The following SMG6 variants were observed in gnomAD, a reference collection of about 807,000 sequenced individuals.
SMG6 encodes SMG6 nonsense mediated mRNA decay factor.
SMG6 carries 66 observed loss-of-function variants against 142.2 expected under a neutral mutation model. The observed-to-expected ratio is 0.46, with a 90% CI of 0.38 to 0.57. SMG6 has a LOEUF of 0.57. SMG6 is among the 20% of genes least tolerant of loss of function. SMG6 has a pLI of 0.00. For missense variants in SMG6, 1,793 were observed against 1,832.0 expected (o/e 0.98, Z 0.39); for synonymous variants, 779 against 702.4 (o/e 1.11, Z -1.72).
At chr17:2,110,081 C>CAAAAAAAA (rs57135671) in intron 13 of SMG6, among the ~76,000 whole-genome samples, 1 of 87,982 alleles carries the variant, frequency 1.1e-5, no homozygotes, top group African/African-American at 3.0e-5. Context: ...GATTCCATCT[C>CAAAAAAAA]AAAAAAAAAA....
intron 10 of SMG6, among the ~76,000 whole-genome samples, chr17:2,202,117 A>G (rs992109368): frequency 2.0e-5 from 3 of 152,234 alleles, no homozygotes; most frequent in African/African-American, 7.2e-5. Context: ...CACGCAAAGA[A>G]TGTTCATAGC....
chr17:2,085,832 C>G lies in SMG6; in HGVS notation c.3427G>C (p.Glu1143Gln). Residue 1143 changes from glutamate (E) to glutamine (Q), a missense_variant, in exon 14 of 19, where the codon GAG (glutamate) becomes CAG (glutamine). Around this residue, in one of 3 missense-constraint regions of SMG6, gnomAD observed 1,597 missense variants for 1,584.6 expected, o/e 1.01. Transcript: ENST00000263073. This position sits in a 1 kb window ranked among gnomAD's most constrained non-coding sequence, Gnocchi z 4.1. Reference sequence around the variant, plus strand: ...CCACCCTTGAATGCCAGCAGAGGCTCTTCTTGTCCACAAAGGGCTTCCAGA... The same window carrying G: ...CCACCCTTGAATGCCAGCAGAGGCTGTTCTTGTCCACAAAGGGCTTCCAGA... ...YFLEALCGQE[E>Q]PLLAFKGGKY... 6.2e-7 allele frequency: 1 copy of G among 1,614,220 alleles called. No individual in the cohort carries two copies.
chr17:2,220,625 A>G (rs1245902457), intron 10 of SMG6, among the ~76,000 whole-genome samples: 1 of 152,232 alleles, frequency 6.6e-6, no homozygotes, highest in Non-Finnish European at 1.5e-5. Flanking sequence ...GTGAATATAC[A>G]TAACAATAAA....
intron 10 of SMG6, among the ~76,000 whole-genome samples, chr17:2,229,130 A>G (rs1313100950): frequency 6.6e-6 from 1 of 152,186 alleles, no homozygotes; most frequent in East Asian, 1.9e-4. Flanking sequence ...GAAAGAGTAA[A>G]CACTTCTACC....
At chr17:2,088,689 AGT>A in intron 13 of SMG6, 1 of 985,404 alleles carries the variant, frequency 1.0e-6, no homozygotes, top group Non-Finnish European at 1.2e-6. Context: ...AGCTGTGTAA[AGT>A]GTACTGTGGG....
chr17:2,066,694 C>CACACACACACACA (rs1375441508), intron 16 of SMG6, among the ~76,000 whole-genome samples: 3 of 150,750 alleles, frequency 2.0e-5, no homozygotes, highest in South Asian at 4.2e-4. Context: ...CACACACACA[C>CACACACACACACA]AATGCCCATG....
intron 13 of SMG6, among the ~76,000 whole-genome samples, chr17:2,144,439 T>C (rs569977357): frequency 6.6e-6 from 1 of 152,230 alleles, no homozygotes. Context: ...ACTCCAGAGC[T>C]CAAGTGATCC....
chr17:2,193,928 T>C (rs1481594872), intron 10 of SMG6, among the ~76,000 whole-genome samples: 1 of 152,138 alleles, frequency 6.6e-6, no homozygotes, highest in Non-Finnish European at 1.5e-5. Context: ...CCTCCTGGGT[T>C]CAAGCGATTC....
chr17:2,262,917 T>C (rs927976112), intron 8 of SMG6, among the ~76,000 whole-genome samples: 3 of 150,732 alleles, frequency 2.0e-5, no homozygotes, highest in African/African-American at 7.3e-5. Context: ...TCAGAGGAGG[T>C]TTTACAGCAA....
At chr17:2,193,983 G>A (rs1027523362) in intron 10 of SMG6, among the ~76,000 whole-genome samples, 1 of 152,158 alleles carries the variant, frequency 6.6e-6, no homozygotes, top group East Asian at 1.9e-4. Flanking sequence ...GGCACGCACA[G>A]TTTCACCATG....
intron 13 of SMG6, among the ~76,000 whole-genome samples, chr17:2,149,465 T>C (rs2070764626): frequency 6.6e-6 from 1 of 152,142 alleles, no homozygotes; most frequent in Non-Finnish European, 1.5e-5. Context: ...CTAATCTCTC[T>C]TCCTAACTCC....
chr17:2,153,584 A>T (rs2070892859), intron 13 of SMG6, among the ~76,000 whole-genome samples: 1 of 152,056 alleles, frequency 6.6e-6, no homozygotes, highest in South Asian at 2.1e-4. Context: ...GACTGGGGGA[A>T]CCTGGGGATG....
intron 12 of SMG6, among the ~76,000 whole-genome samples, chr17:2,176,125 G>A (rs1433232055): frequency 2.0e-5 from 3 of 152,166 alleles, no homozygotes; most frequent in African/African-American, 4.8e-5. Flanking sequence ...CTGGAAGCTG[G>A]GCAACATCAC....
chr17:2,082,554 T>G (rs1847508228), intron 14 of SMG6, among the ~76,000 whole-genome samples: 1 of 152,184 alleles, frequency 6.6e-6, no homozygotes, highest in South Asian at 2.1e-4. Flanking sequence ...TCACACGACA[T>G]GACCTTGCTC....
chr17:2,072,172 C>G (rs921241507), intron 15 of SMG6, among the ~76,000 whole-genome samples: 1 of 152,032 alleles, frequency 6.6e-6, no homozygotes, highest in Non-Finnish European at 1.5e-5. Flanking sequence ...GCTGCAGAAG[C>G]CTCTGGTGGG....
intron 8 of SMG6, among the ~76,000 whole-genome samples, chr17:2,269,090 G>T: frequency 6.6e-6 from 1 of 151,816 alleles, no homozygotes; most frequent in East Asian, 1.9e-4. Context: ...TGTAGTCCCA[G>T]CTACTCATAG....
chr17:2,175,263 C>G (rs1337608643), intron 12 of SMG6, among the ~76,000 whole-genome samples: 1 of 152,140 alleles, frequency 6.6e-6, no homozygotes, highest in African/African-American at 2.4e-5. Flanking sequence ...GAAAAGTCTC[C>G]CAGCTGAATT....
chr17:2,101,293 G>A lies in SMG6; in HGVS notation c.3358-15392C>T, dbSNP rs576147113. On this transcript the variant is annotated intron_variant, in intron 13 of 18. Coordinates refer to ENST00000263073, the MANE Select transcript of SMG6 (RefSeq NM_017575.5). ...TGAATTTTTATTTTTGTAGAGATGG[G>A]GCCTCGCTATGCTGCCAGGACTGGT... The A allele has an allele frequency of 2.0e-5, 3 of 152,114 alleles. No homozygotes were observed. The South Asian group carries it at 6.2e-4, about 32-fold the overall frequency. 9.4% of individuals were successfully genotyped at this position (152,114 alleles called of 1,614,324 possible). A position where few individuals can be genotyped will look rare whatever the true frequency, so the allele number is the denominator to read the frequency against.
intron 13 of SMG6, among the ~76,000 whole-genome samples, chr17:2,113,355 C>A (rs1597404418): frequency 6.6e-6 from 1 of 152,284 alleles, no homozygotes; most frequent in Non-Finnish European, 1.5e-5. Context: ...GGGTAACAGG[C>A]ATGAGCCACT....
Sources: allele counts gnomAD v4.1 joint callset (sites outside exome capture counted in the v4.1 genomes callset), GRCh38; gene constraint gnomAD v4.1.1; regional missense constraint gnomAD v4.1.1; non-coding constraint Gnocchi (gnomAD v3.1); transcripts MANE v1.5; gene names NCBI Gene and HGNC (gene_info 2026-07-23, HGNC 2026-07-21).